The following HADH variants were observed in gnomAD, a reference collection of about 807,000 sequenced individuals.
The protein encoded by HADH is hydroxyacyl-CoA dehydrogenase.
Under a neutral mutation model 32.2 loss-of-function variants are expected in HADH, and 24 were observed. That is an observed-to-expected ratio of 0.75 (90% CI 0.54 to 1.05). The LOEUF (loss-of-function observed/expected upper bound fraction) is 1.05, where lower values mean the gene tolerates loss of function less well. Among genes scored for constraint, HADH ranks in the 50% least tolerant of loss-of-function variants. The probability of loss-of-function intolerance (pLI) is 0.00; values close to 1 mark genes in which losing one functional copy is unlikely to be tolerated. For synonymous variants in HADH, 139 were observed against 152.5 expected, an observed-to-expected ratio of 0.91 and a Z score of 0.65; for missense variants, 350 against 397.1, an observed-to-expected ratio of 0.88 and a Z score of 1.01.
chr4:107,994,144 T>A (rs1734890662), intron 1 of HADH, among the ~76,000 whole-genome samples: 2 of 152,294 alleles, frequency 1.3e-5, no homozygotes, highest in African/African-American at 4.8e-5. Flanking sequence ...GGGTGCAACC[T>A]TCTTTTTAGT....
At chr4:108,034,088 C>T (rs900995373) in intron 7 of HADH, 151 bp from the exon 8 acceptor site, 8 of 732,360 alleles carry the variant, frequency 1.1e-5, no homozygotes, top group African/African-American at 1.0e-4. Flanking sequence ...CACAGCCTTC[C>T]TTGGTGCCTC....
rs749063053 is a variant in HADH, at chr4:107,989,926, CCA to C, written c.-3_-2del. 26 of 1,612,072 alleles carry C rather than the reference CCA, an allele frequency of 1.6e-5. No homozygotes were observed. The highest frequency in any genetic ancestry group is 2.2e-5 in the Non-Finnish European group (26 of 1,179,462). ...GGTCTCCTCGCTGTCGCCGCCGCTG[CCA>C]CACCATGGCCTTCGTCACCAGGCAG... On this transcript the variant is annotated 5_prime_UTR_variant, in exon 1 of 8. Coordinates refer to ENST00000309522, the MANE Select transcript of HADH (RefSeq NM_005327.7).
At chr4:108,017,556 CTTTTTT>C (rs201301738) in intron 3 of HADH, among the ~76,000 whole-genome samples, 1 of 144,344 alleles carries the variant, frequency 6.9e-6, no homozygotes, top group African/African-American at 2.5e-5. Flanking sequence ...TGTAAGAGTA[CTTTTTT>C]TTTTTTTTTG....
intron 4 of HADH, among the ~76,000 whole-genome samples, chr4:108,021,597 T>C (rs1735887898): frequency 6.6e-6 from 1 of 152,234 alleles, no homozygotes. Flanking sequence ...TTACTGTTCG[T>C]TGAATGAATG....
intron 2 of HADH, 82 bp downstream of exon 2, chr4:108,009,969 C>CTTTA: frequency 1.8e-6 from 1 of 554,734 alleles, no homozygotes; most frequent in Non-Finnish European, 2.9e-6. Flanking sequence ...TTCTGGCTTT[C>CTTTA]TTTCTTTCTT....
intron 1 of HADH, among the ~76,000 whole-genome samples, chr4:107,996,373 G>A (rs1160460355): frequency 6.6e-6 from 1 of 152,112 alleles, no homozygotes; most frequent in African/African-American, 2.4e-5. Flanking sequence ...CTGTTGACAT[G>A]TCTGGTTATC....
intron 1 of HADH, chr4:108,004,907 T>C (rs1205344324): frequency 3.3e-6 from 5 of 1,535,468 alleles, no homozygotes; most frequent in Non-Finnish European, 3.5e-6. Flanking sequence ...TGGGAGGCTA[T>C]TGTTAAAGAG....
rs4956033 is a variant in HADH, at chr4:108,023,665, C to T, written c.636+102C>T. The T allele has an allele frequency of 0.91, 722,469 of 791,348 alleles. 331,608 individuals carry two copies. Among genetic ancestry groups the T allele is most frequent in the East Asian group, 0.97 (39,175 of 40,442 alleles). The allele number at this position is 791,348 out of a possible 1,614,324, so 49.0% of individuals were successfully genotyped here. A position where few individuals can be genotyped will look rare whatever the true frequency, so the allele number is the denominator to read the frequency against. ...TCATAGAATGATGTGAAAGAAGGAG[C>T]ATTGTATACTGCAAGCTTGTCCACA... On this transcript the variant is annotated intron_variant, in intron 5 of 7. Coordinates refer to ENST00000309522, the MANE Select transcript of HADH (RefSeq NM_005327.7).
rs1210624836 is a variant in HADH, at chr4:108,027,981, A to G, written c.709+221A>G. On this transcript the variant is annotated intron_variant, in intron 6 of 7. Coordinates refer to ENST00000309522, the MANE Select transcript of HADH (RefSeq NM_005327.7). ...GTGGGCCTCTGAGAAAGGTTTCTGG[A>G]ACTCCCACCACCCCCACTACAGTCC... 19 of 606,018 alleles carry G rather than the reference A, an allele frequency of 3.1e-5. No homozygotes were observed. In the East Asian group the frequency reaches 4.5e-4, roughly 14 times the overall value. The allele number at this position is 606,018 out of a possible 1,614,324, so 37.5% of individuals were successfully genotyped here. A position where few individuals can be genotyped will look rare whatever the true frequency, so the allele number is the denominator to read the frequency against.
chr4:108,017,357 G>A, intron 3 of HADH, among the ~76,000 whole-genome samples: 1 of 152,096 alleles, frequency 6.6e-6, no homozygotes, highest in East Asian at 1.9e-4. Flanking sequence ...ACAGACTCTT[G>A]AATCCTTTGC....
chr4:108,017,125 G>A (rs1043331217), intron 3 of HADH, among the ~76,000 whole-genome samples: 10 of 152,272 alleles, frequency 6.6e-5, no homozygotes, highest in East Asian at 3.9e-4. Context: ...TTAAGCAGCC[G>A]TATTGAGAGG....
chr4:108,000,220 C>T (rs1047675470), intron 1 of HADH, among the ~76,000 whole-genome samples: 2 of 152,170 alleles, frequency 1.3e-5, no homozygotes, highest in East Asian at 3.8e-4. Flanking sequence ...TGTTGGATAT[C>T]CCAGTTACCC....
At chr4:108,029,142 A>G in intron 6 of HADH, 1 of 366,766 alleles carries the variant, frequency 2.7e-6, no homozygotes. Flanking sequence ...CACTACAGTC[A>G]CACCCTAGGC....
intron 6 of HADH, chr4:108,032,442 C>A: frequency 1.1e-6 from 1 of 929,350 alleles, no homozygotes; most frequent in Non-Finnish European, 1.8e-6. Context: ...TTGTAAAACC[C>A]AAAAAACTGG....
chr4:108,034,849 TGCCCTACA>T lies in HADH; in HGVS notation c.*493_*500del. On this transcript the variant is annotated 3_prime_UTR_variant, in exon 8 of 8. Transcript: ENST00000309522. Reference sequence around the variant, plus strand: ...TTTTACTACCTGCAGCTTTGAGTCTTGCCCTACATTTTGGGCATGACATAAGATGTGTC... The same window carrying T: ...TTTTACTACCTGCAGCTTTGAGTCTTTTTTGGGCATGACATAAGATGTGTC... 2 of 262,334 alleles carry T rather than the reference TGCCCTACA, an allele frequency of 7.6e-6. No homozygotes were observed. Among genetic ancestry groups the T allele is most frequent in the Middle Eastern group, 1.4e-3 (1 of 690 alleles). The allele number at this position is 262,334 out of a possible 1,614,324, so 16.3% of individuals were successfully genotyped here.
At chr4:108,032,766 T>C in intron 6 of HADH, 1 of 327,036 alleles carries the variant, frequency 3.1e-6, no homozygotes, top group South Asian at 3.2e-5. Flanking sequence ...GAGGATCACT[T>C]GAGGTTGGGA....
At chr4:108,032,991 A>G (rs370463438) in intron 6 of HADH, 185 bp from the exon 7 acceptor site, 1 of 625,286 alleles carries the variant, frequency 1.6e-6, no homozygotes, top group South Asian at 1.8e-5. Context: ...CAAAAAAAAC[A>G]AAGTCTTATG....
At chr4:108,014,848 A>AT (rs1735640111) in intron 3 of HADH, among the ~76,000 whole-genome samples, 1 of 152,058 alleles carries the variant, frequency 6.6e-6, no homozygotes, top group African/African-American at 2.4e-5. Context: ...CTGTACATCC[A>AT]TGGGTACCTG....
chr4:107,989,915 C>T lies in HADH; in HGVS notation c.-18C>T, dbSNP rs1327218204. Reference sequence around the variant, plus strand: ...TTCCCTGCCCGGGTCTCCTCGCTGTCGCCGCCGCTGCCACACCATGGCCTT... The same window carrying T: ...TTCCCTGCCCGGGTCTCCTCGCTGTTGCCGCCGCTGCCACACCATGGCCTT... On this transcript the variant is annotated 5_prime_UTR_variant, in exon 1 of 8. Transcript: ENST00000309522. 3 of 1,609,258 alleles carry T rather than the reference C, an allele frequency of 1.9e-6. No homozygotes were observed. Among genetic ancestry groups the T allele is most frequent in the East Asian group, 4.5e-5 (2 of 44,696 alleles).
Sources: allele counts gnomAD v4.1 joint callset (sites outside exome capture counted in the v4.1 genomes callset), GRCh38; gene constraint gnomAD v4.1.1; transcripts MANE v1.5; gene names NCBI Gene and HGNC (gene_info 2026-07-23, HGNC 2026-07-21).